Variants in FAF2 observed in about 807,000 individuals in gnomAD.
FAF2 encodes the protein Fas associated factor family member 2.
FAF2 carries 9 observed loss-of-function variants against 62.3 expected under a neutral mutation model. The observed-to-expected ratio is 0.14, with a 90% CI of 0.09 to 0.25. The LOEUF is 0.25. FAF2 is among the 10% of genes least tolerant of loss of function. The pLI is 1.00. For missense variants in FAF2, 368 were observed against 556.2 expected (o/e 0.66, Z 3.40); for synonymous variants, 202 against 198.0 (o/e 1.02, Z -0.17).
chr5:176,465,097 G>A (rs572873064), intron 1 of FAF2, among the ~76,000 whole-genome samples: 1 of 152,208 alleles, frequency 6.6e-6, no homozygotes, highest in African/African-American at 2.4e-5. Context: ...CACCATGTTG[G>A]CCAGGCTGGT....
chr5:176,472,706 ATC>A (rs1480130322), intron 1 of FAF2, among the ~76,000 whole-genome samples: 4 of 134,152 alleles, frequency 3.0e-5, no homozygotes, highest in Non-Finnish European at 6.4e-5. Context: ...ACATAGTGAA[ATC>A]TTCATCTCTA....
At chr5:176,482,379 AT>A (rs1386472634) in intron 2 of FAF2, among the ~76,000 whole-genome samples, 2 of 151,996 alleles carry the variant, frequency 1.3e-5, no homozygotes, top group Non-Finnish European at 2.9e-5. Context: ...TGCCCGGCTA[AT>A]TTTTGTATTT....
At chr5:176,470,595 T>G (rs573503456) in intron 1 of FAF2, among the ~76,000 whole-genome samples, 1 of 152,318 alleles carries the variant, frequency 6.6e-6, no homozygotes, top group South Asian at 2.1e-4. Context: ...TATAAATGAA[T>G]AAATAAACTT....
At position 176,507,009 on chromosome 5, in the gene FAF2, AAAC is replaced by A. The variant is rs924825876; in HGVS notation, c.*64_*66del. On this transcript the variant is annotated 3_prime_UTR_variant, in exon 11 of 11. Coordinates refer to ENST00000261942, the MANE Select transcript of FAF2 (RefSeq NM_014613.3). ...CCCTAAAAGAAATGGGGAAAAAAGAAAACAACAGCAAGTCAGAAAAAAAAAACA... is the reference window on the plus strand; with the variant it reads ...CCCTAAAAGAAATGGGGAAAAAAGAAAACAGCAAGTCAGAAAAAAAAAACA... 1.2e-5 allele frequency: 15 copies of A among 1,206,536 alleles called. No homozygotes were observed. The highest frequency in any genetic ancestry group is 1.6e-5 in the Non-Finnish European group (15 of 916,000). 74.7% of individuals were successfully genotyped at this position (1,206,536 alleles called of 1,614,324 possible).
intron 1 of FAF2, among the ~76,000 whole-genome samples, chr5:176,465,844 A>T (rs1230278265): frequency 6.6e-6 from 1 of 152,202 alleles, no homozygotes; most frequent in Non-Finnish European, 1.5e-5. Flanking sequence ...GCAACAGAGC[A>T]AGACTTCATC....
In FAF2 at chr5:176,508,274, A is replaced by G. The variant is rs923796228; in HGVS notation, c.*1324A>G. 1 of 152,140 alleles carries G rather than the reference A, an allele frequency of 6.6e-6. No individual in the cohort carries two copies. The highest frequency in any genetic ancestry group is 1.5e-5 in the Non-Finnish European group (1 of 68,048). 9.4% of individuals were successfully genotyped at this position (152,140 alleles called of 1,614,324 possible). ...GGGTACATGGGTCAGGCCATGTATTAACAGATGCCAGTGCGCTCTGACAAG... is the reference window on the plus strand; with the variant it reads ...GGGTACATGGGTCAGGCCATGTATTGACAGATGCCAGTGCGCTCTGACAAG... On this transcript the variant is annotated 3_prime_UTR_variant, in exon 11 of 11. Coordinates refer to ENST00000261942, the MANE Select transcript of FAF2 (RefSeq NM_014613.3).
In FAF2 at chr5:176,482,287, G is replaced by A. The variant is rs578190199; in HGVS notation, c.132+3031G>A. Reference sequence around the variant, plus strand: ...GGCTAGAGTGCAGAGGCGTGATCACGGCTCACTGCAACCTCCACGTCCCAG... The same window carrying A: ...GGCTAGAGTGCAGAGGCGTGATCACAGCTCACTGCAACCTCCACGTCCCAG... On this transcript the variant is annotated intron_variant, in intron 2 of 10. Coordinates refer to ENST00000261942, the MANE Select transcript of FAF2 (RefSeq NM_014613.3). 3.3e-5 allele frequency among the ~76,000 whole-genome samples: 5 copies of A among 149,528 alleles called. No individual in the cohort carries two copies. The South Asian group carries it at 6.4e-4, about 19-fold the overall frequency.
chr5:176,489,816 G>T (rs1233051135), intron 4 of FAF2, among the ~76,000 whole-genome samples: 2 of 152,286 alleles, frequency 1.3e-5, no homozygotes, highest in Non-Finnish European at 2.9e-5. Flanking sequence ...CGAAGTGCTG[G>T]GATTGCTGGC....
In FAF2 at chr5:176,489,470, T is replaced by A. The variant is rs116816283; in HGVS notation, c.344+443T>A. Among the ~76,000 whole-genome samples the A allele has an allele frequency of 7.5e-3, 1,148 of 152,308 alleles. 14 individuals carry two copies. Among genetic ancestry groups the A allele is most frequent in the African/African-American group, 0.026 (1,065 of 41,572 alleles). On this transcript the variant is annotated intron_variant, in intron 4 of 10. Coordinates refer to ENST00000261942, the MANE Select transcript of FAF2 (RefSeq NM_014613.3). ...TCTCTTGCTCTGAGATTACCCAGTTTGCCCTTGATTCCTCCCACAATAGTT... is the reference window on the plus strand; with the variant it reads ...TCTCTTGCTCTGAGATTACCCAGTTAGCCCTTGATTCCTCCCACAATAGTT...
At chr5:176,485,592 A>G (rs528584822) in intron 2 of FAF2, among the ~76,000 whole-genome samples, 32 of 152,184 alleles carry the variant, frequency 2.1e-4, no homozygotes, top group Non-Finnish European at 4.1e-4. Context: ...GAATTTTTTA[A>G]ACTGAATATC....
chr5:176,461,814 CT>C (rs149238521), intron 1 of FAF2, among the ~76,000 whole-genome samples: 1,919 of 152,210 alleles, frequency 0.013, 44 homozygotes, highest in African/African-American at 0.044. Flanking sequence ...TTAGGTCCCA[CT>C]TTCCAATTTT....
intron 4 of FAF2, 81 bp downstream of exon 4, chr5:176,489,108 T>C: frequency 9.7e-7 from 1 of 1,030,800 alleles, no homozygotes; most frequent in Non-Finnish European, 1.5e-6. Context: ...CTTTATGCTC[T>C]ATCAATGTTG....
chr5:176,463,499 G>A (rs1448074449), intron 1 of FAF2, among the ~76,000 whole-genome samples: 1 of 151,842 alleles, frequency 6.6e-6, no homozygotes, highest in Non-Finnish European at 1.5e-5. Flanking sequence ...CTTTACAAAT[G>A]TCTCCTTAAT....
At chr5:176,469,007 T>C (rs1208916846) in intron 1 of FAF2, among the ~76,000 whole-genome samples, 1 of 151,904 alleles carries the variant, frequency 6.6e-6, no homozygotes, top group African/African-American at 2.4e-5. Context: ...CACTTTGGGA[T>C]GCCAAGGTGG....
Position 176,449,688 on chromosome 5 carries a change from A to G in FAF2, c.63+1218A>G, listed in dbSNP as rs1280728329. On this transcript the variant is annotated intron_variant, in intron 1 of 10. Transcript: ENST00000261942. ...CCCCAAATAGTATTTTCTGCTATTA[A>G]TTTGACTTAGGATAGACCTAAAGTT... is the stretch of plus-strand genomic sequence containing the variant. 2.0e-5 allele frequency among the ~76,000 whole-genome samples: 3 copies of G among 152,320 alleles called. No individual in the cohort carries two copies. The East Asian group carries it at 5.8e-4, about 29-fold the overall frequency.
chr5:176,494,229 G>A lies in FAF2; in HGVS notation c.615G>A (p.Arg205=). ...APEVISLINT[R]MLFWACSTNK... ...AAGTTATTTCACTAATAAACACTAG[G>A]ATGCTCTTCTGGGCATGCTCTACAA... Residue 205 remains arginine, a synonymous_variant, in exon 7 of 11, where the codon AGG becomes AGA. Transcript: ENST00000261942. The surrounding 1 kb of genome is among the most constrained non-coding windows in gnomAD (Gnocchi z 4.0). 6.2e-7 allele frequency: 1 copy of A among 1,613,998 alleles called. No homozygotes were observed. The highest frequency in any genetic ancestry group is 8.5e-7 in the Non-Finnish European group (1 of 1,179,924).
intron 1 of FAF2, among the ~76,000 whole-genome samples, chr5:176,455,786 GT>G (rs1425465098): frequency 6.6e-6 from 1 of 151,934 alleles, no homozygotes; most frequent in Non-Finnish European, 1.5e-5. Flanking sequence ...GTTCCAAGGA[GT>G]GCTAGTGGAT....
intron 1 of FAF2, among the ~76,000 whole-genome samples, chr5:176,451,889 TATA>T (rs1470649001): frequency 7.0e-5 from 2 of 28,720 alleles, no homozygotes; most frequent in Admixed American, 5.4e-4. Flanking sequence ...TATATATATA[TATA>T]TTTTTTTTTT....
At chr5:176,475,376 C>G (rs1758670859) in intron 1 of FAF2, among the ~76,000 whole-genome samples, 1 of 152,080 alleles carries the variant, frequency 6.6e-6, no homozygotes, top group Non-Finnish European at 1.5e-5. Context: ...AAGTGATCCA[C>G]CCACCTTGGC....
Sources: gnomAD v4.1 joint callset for allele counts (sites outside exome capture counted in the v4.1 genomes callset) on GRCh38, gnomAD v4.1.1 for gene constraint, Gnocchi (gnomAD v3.1) non-coding constraint, MANE v1.5 for transcripts, NCBI Gene and HGNC (gene_info 2026-07-23, HGNC 2026-07-21) for gene names.